Variants in PTK2 observed in about 807,000 individuals in gnomAD.
The protein encoded by PTK2 is focal adhesion kinase 1.
PTK2 carries 45 observed loss-of-function variants against 150.1 expected under a neutral mutation model. The observed-to-expected ratio is 0.30, with a 90% confidence interval of 0.24 to 0.38. The LOEUF (loss-of-function observed/expected upper bound fraction) is 0.38. Among genes scored for constraint, PTK2 ranks in the 10% least tolerant of loss-of-function variants. The pLI is 1.00. For synonymous variants in PTK2, 432 were observed against 449.2 expected (o/e 0.96, Z 0.48); for missense variants, 919 against 1,307.3 (o/e 0.70, Z 4.58).
chr8:140,939,024 A>C (rs1476668717), intron 1 of PTK2, among the ~76,000 whole-genome samples: 2 of 151,826 alleles, frequency 1.3e-5, no homozygotes, highest in Non-Finnish European at 2.9e-5. Flanking sequence ...AAAAAGTCAC[A>C]CCCTGCTTTC....
In PTK2 at chr8:140,927,975, AATAT is replaced by A. The variant is rs1179717665; in HGVS notation, c.-121-2230_-121-2227del. Reference sequence around the variant, plus strand: ...AAAAAAAAGAAAAAAAAAAAAAAAAAATATATATATATATATATGTATATATATA... The same window carrying A: ...AAAAAAAAGAAAAAAAAAAAAAAAAAATATATATATATATGTATATATATA... On this transcript the variant is annotated intron_variant, in intron 1 of 31. Transcript: ENST00000522684. Among the ~76,000 whole-genome samples, 276 of 48,178 alleles carry A rather than the reference AATAT, an allele frequency of 5.7e-3. 1 individual carries two copies. Among genetic ancestry groups the A allele is most frequent in the Non-Finnish European group, 7.6e-3 (224 of 29,424 alleles). 31.6% of individuals were successfully genotyped at this position (48,178 alleles called of 152,430 possible).
chr8:140,790,044 T>C (rs1595737254), intron 13 of PTK2, among the ~76,000 whole-genome samples: 2 of 146,210 alleles, frequency 1.4e-5, no homozygotes, highest in East Asian at 3.9e-4. Context: ...ATCTTGCTAC[T>C]TGCTTCATGA....
rs377512541 is a variant in PTK2, at chr8:140,662,799, C to CA, written c.2946+2117dup. On this transcript the variant is annotated intron_variant, in intron 31 of 31. Transcript: ENST00000522684. ...TATGTTGTATTCCTGACTGGAGATGCAAAATCTCAATCTCATCAGGAAGAA... is the reference window on the plus strand; with the variant it reads ...TATGTTGTATTCCTGACTGGAGATGCAAAAATCTCAATCTCATCAGGAAGAA... 1.5e-3 allele frequency: 765 copies of CA among 524,154 alleles called. 5 individuals carry two copies. Among genetic ancestry groups the CA allele is most frequent in the African/African-American group, 0.013 (703 of 53,876 alleles). The allele number at this position is 524,154 out of a possible 1,614,324, so 32.5% of individuals were successfully genotyped here. A position where few individuals can be genotyped will look rare whatever the true frequency, so the allele number is the denominator to read the frequency against.
intron 1 of PTK2, among the ~76,000 whole-genome samples, chr8:140,942,142 G>A (rs1333600511): frequency 6.6e-6 from 1 of 152,104 alleles, no homozygotes; most frequent in African/African-American, 2.4e-5. Context: ...GCCTCCCAAA[G>A]GGTTGGGATT....
In PTK2 at chr8:140,702,635, A is replaced by G. The variant is rs769025462; in HGVS notation, c.2302T>C (p.Leu768=). The change falls in exon 25 of 32, where the codon TTG becomes CTG. Residue 768 remains leucine (L), a synonymous_variant. Coordinates refer to ENST00000522684, the Ensembl canonical transcript of PTK2. ...TGATTCCATGAATCTGTTTGGTCCA[A>G]AAGAGATGCCTGACCTGGATAGATG... 4 of 1,613,988 alleles carry G rather than the reference A, an allele frequency of 2.5e-6. No individual in the cohort carries two copies. The African/African-American group carries it at 5.3e-5, about 22-fold the overall frequency.
chr8:140,753,570 G>A (rs1256456522), intron 16 of PTK2, among the ~76,000 whole-genome samples: 1 of 152,222 alleles, frequency 6.6e-6, no homozygotes, highest in Non-Finnish European at 1.5e-5. Context: ...GAAGAGGTCA[G>A]GGACAAGAGT....
intron 2 of PTK2, among the ~76,000 whole-genome samples, chr8:140,897,727 T>A (rs1052833983): frequency 1.3e-5 from 2 of 152,214 alleles, no homozygotes; most frequent in African/African-American, 4.8e-5. Context: ...ATTAACAGAC[T>A]TCCCTGTGTT....
At chr8:140,773,116 A>G (rs1419261968) in intron 14 of PTK2, among the ~76,000 whole-genome samples, 1 of 152,236 alleles carries the variant, frequency 6.6e-6, no homozygotes, top group Non-Finnish European at 1.5e-5. Flanking sequence ...ACTGGACTGA[A>G]TATTCTTTAT....
chr8:140,746,899 T>TC (rs1565545640), intron 17 of PTK2, 39 bp from the exon 21 acceptor site: 2 of 1,419,186 alleles, frequency 1.4e-6, no homozygotes, highest in East Asian at 2.4e-5. Flanking sequence ...TTTCTTTTTT[T>TC]TTTTTTTTTT....
At chr8:140,847,521 TGA>T (rs1363470267) in intron 5 of PTK2, among the ~76,000 whole-genome samples, 4 of 152,352 alleles carry the variant, frequency 2.6e-5, no homozygotes, top group South Asian at 4.1e-4. Context: ...TTGATTTTGA[TGA>T]GAGTACCCAT....
chr8:140,734,739 T>C (rs2154392269), intron 22 of PTK2: 1 of 518,116 alleles, frequency 1.9e-6, no homozygotes, highest in Non-Finnish European at 3.9e-6. Context: ...CGGGGCAGGG[T>C]TGATTAGGAA....
At chr8:140,987,269 C>T (rs188067982) in intron 1 of PTK2, among the ~76,000 whole-genome samples, 90 of 152,262 alleles carry the variant, frequency 5.9e-4, no homozygotes, top group African/African-American at 2.0e-3. Flanking sequence ...CAACCTCTGC[C>T]GCCCAGGTTC....
At chr8:140,712,840 T>C (rs2100037557) in intron 23 of PTK2, among the ~76,000 whole-genome samples, 1 of 152,208 alleles carries the variant, frequency 6.6e-6, no homozygotes, top group Non-Finnish European at 1.5e-5. Context: ...AAAACTCGAA[T>C]TTTATACCGG....
At chr8:140,701,908 C>T (rs551184857) in intron 25 of PTK2, among the ~76,000 whole-genome samples, 1 of 151,982 alleles carries the variant, frequency 6.6e-6, no homozygotes, top group East Asian at 1.9e-4. Context: ...GGGTGGATCA[C>T]TTGAAGTCAG....
intron 9 of PTK2, among the ~76,000 whole-genome samples, 179 bp from the exon 10 acceptor site, chr8:140,818,533 T>C (rs377101667): frequency 1.3e-5 from 2 of 152,350 alleles, no homozygotes; most frequent in Admixed American, 6.5e-5. Context: ...GTGTTAAGCC[T>C]GCACAAAGTG....
At chr8:140,907,901 C>T (rs2100161621) in intron 2 of PTK2, among the ~76,000 whole-genome samples, 2 of 148,272 alleles carry the variant, frequency 1.3e-5, no homozygotes, top group South Asian at 4.4e-4. Flanking sequence ...CACAATAATA[C>T]TGAAATTAGG....
At chr8:140,714,156 G>A (rs529663873) in intron 23 of PTK2, among the ~76,000 whole-genome samples, 3 of 152,254 alleles carry the variant, frequency 2.0e-5, no homozygotes, top group African/African-American at 7.2e-5. Flanking sequence ...CCAAAGCACC[G>A]CAATTATAGG....
At chr8:140,928,812 T>C (rs758589441) in intron 1 of PTK2, among the ~76,000 whole-genome samples, 29 of 152,226 alleles carry the variant, frequency 1.9e-4, no homozygotes, top group South Asian at 6.2e-4. Context: ...TTTATGGGCA[T>C]AGAGCTTCAT....
At chr8:140,897,836 C>T (rs996421938) in intron 2 of PTK2, among the ~76,000 whole-genome samples, 1 of 152,254 alleles carries the variant, frequency 6.6e-6, no homozygotes, top group Non-Finnish European at 1.5e-5. Flanking sequence ...AGTCTTTTAC[C>T]CCCTCACCAT....
Sources: gnomAD v4.1 joint callset for allele counts (sites outside exome capture counted in the v4.1 genomes callset) on GRCh38, gnomAD v4.1.1 for gene constraint, MANE v1.5 for transcripts, NCBI Gene and HGNC (gene_info 2026-07-23, HGNC 2026-07-21) for gene names.